AKAP12: variants seen among roughly 807,000 people sequenced by gnomAD.
AKAP12 encodes A-kinase anchor protein 12.
AKAP12 carries 32 observed loss-of-function variants against 79.9 expected under a neutral mutation model. The observed-to-expected ratio is 0.40, with a 90% CI of 0.30 to 0.54. AKAP12 has a LOEUF of 0.54. AKAP12 is among the 20% of genes least tolerant of loss of function. The pLI, the probability that AKAP12 is intolerant of heterozygous loss-of-function variation, is 0.48. For synonymous variants in AKAP12, 808 were observed against 857.0 expected, an observed-to-expected ratio of 0.94 and a Z score of 1.00; for missense variants, 2,074 against 2,177.0, an observed-to-expected ratio of 0.95 and a Z score of 0.94.
intron 2 of AKAP12, among the ~76,000 whole-genome samples, chr6:151,258,984 CAT>C (rs1797356318): frequency 1.3e-5 from 2 of 150,630 alleles, no homozygotes; most frequent in South Asian, 2.1e-4. Flanking sequence ...TATATATACA[CAT>C]AATGTATCTA....
intron 2 of AKAP12, among the ~76,000 whole-genome samples, chr6:151,288,079 G>A (rs1293072981): frequency 6.6e-6 from 1 of 152,050 alleles, no homozygotes. Context: ...TGGGGGGCTA[G>A]GGGAGGGATG....
At chr6:151,282,311 T>C (rs964051906) in intron 2 of AKAP12, among the ~76,000 whole-genome samples, 5 of 152,110 alleles carry the variant, frequency 3.3e-5, no homozygotes, top group Admixed American at 2.6e-4. Flanking sequence ...GGTTTTGCCA[T>C]GTTGGCCAGG....
intron 4 of AKAP12, among the ~76,000 whole-genome samples, chr6:151,355,300 T>TTTTG (rs575040126): frequency 5.3e-5 from 8 of 150,252 alleles, no homozygotes; most frequent in Admixed American, 2.0e-4. Flanking sequence ...TATCTTTGTT[T>TTTTG]TTTGTTTGTT....
intron 3 of AKAP12, among the ~76,000 whole-genome samples, chr6:151,329,543 G>A (rs1777617350): frequency 6.6e-6 from 1 of 152,152 alleles, no homozygotes; most frequent in African/African-American, 2.4e-5. Context: ...GTAGAAACTG[G>A]GGAAGAATCA....
intron 2 of AKAP12, among the ~76,000 whole-genome samples, chr6:151,290,885 CAGGCGTG>C (rs746553562): frequency 3.3e-5 from 5 of 152,206 alleles, no homozygotes; most frequent in Admixed American, 6.5e-5. Flanking sequence ...GCTGGGATTA[CAGGCGTG>C]AGCCACCTTG....
intron 3 of AKAP12, among the ~76,000 whole-genome samples, chr6:151,316,811 AGT>A (rs1777246507): frequency 1.3e-5 from 2 of 152,040 alleles, no homozygotes; most frequent in Non-Finnish European, 2.9e-5. Flanking sequence ...TTGTATTTTT[AGT>A]AGAGACGGGG....
intron 2 of AKAP12, among the ~76,000 whole-genome samples, chr6:151,245,410 C>T (rs56192036): frequency 6.6e-6 from 1 of 151,708 alleles, no homozygotes; most frequent in Non-Finnish European, 1.5e-5. Flanking sequence ...ATTCTCCTGC[C>T]TCAGCTTTCC....
chr6:151,319,222 G>A (rs927447022), intron 3 of AKAP12, among the ~76,000 whole-genome samples: 1 of 151,804 alleles, frequency 6.6e-6, no homozygotes, highest in Non-Finnish European at 1.5e-5. Context: ...ATTTATCTTG[G>A]ATTTTGAATA....
At chr6:151,315,596 C>T (rs1777216389) in intron 3 of AKAP12, among the ~76,000 whole-genome samples, 1 of 152,130 alleles carries the variant, frequency 6.6e-6, no homozygotes, top group Admixed American at 6.6e-5. Flanking sequence ...GACTGACTCA[C>T]CTTGAGTGTA....
chr6:151,299,393 T>C (rs1776806401), intron 2 of AKAP12, among the ~76,000 whole-genome samples: 1 of 152,170 alleles, frequency 6.6e-6, no homozygotes, highest in Non-Finnish European at 1.5e-5. Context: ...GGAAACCGTG[T>C]CTGTTCTCCC....
At chr6:151,262,839 G>A (rs1797464108) in intron 2 of AKAP12, among the ~76,000 whole-genome samples, 2 of 152,156 alleles carry the variant, frequency 1.3e-5, no homozygotes, top group African/African-American at 4.8e-5. Flanking sequence ...CACCAGTGAA[G>A]ACCATCTCAC....
intron 3 of AKAP12, among the ~76,000 whole-genome samples, chr6:151,321,746 C>T (rs1431413201): frequency 1.3e-5 from 2 of 151,922 alleles, no homozygotes; most frequent in Non-Finnish European, 2.9e-5. Context: ...GTTTAACATT[C>T]TGAGGAACTA....
In AKAP12 at chr6:151,352,613, A is replaced by C; in HGVS notation, c.4222A>C (p.Thr1408Pro). 6.2e-7 allele frequency: 1 copy of C among 1,614,192 alleles called. No homozygotes were observed. Among genetic ancestry groups the C allele is most frequent in the Non-Finnish European group, 8.5e-7 (1 of 1,180,034 alleles). Residue 1408 changes from threonine (T) to proline (P), a missense_variant, in exon 4 of 5, where the codon ACC (threonine) becomes CCC (proline). Physicochemically the swap from Thr to Pro is conservative, Grantham distance 38. Coordinates refer to ENST00000402676, the MANE Select transcript of AKAP12 (RefSeq NM_005100.4). ...CCTAGGTCAAGAGGAGGCAGTATGC[A>C]CCAAAATTCAAGTTCAGAGCTCTGA... The part of the protein sequence containing the change: ...PCLGQEEAVC[T>P]KIQVQSSEAS...
At chr6:151,343,696 A>T (rs1778007565) in intron 3 of AKAP12, among the ~76,000 whole-genome samples, 1 of 152,184 alleles carries the variant, frequency 6.6e-6, no homozygotes, top group African/African-American at 2.4e-5. Context: ...AGGCAGGAGA[A>T]TCGCTTGAAC....
intron 3 of AKAP12, among the ~76,000 whole-genome samples, chr6:151,326,558 G>C (rs1251565549): frequency 6.6e-6 from 1 of 151,180 alleles, no homozygotes; most frequent in Non-Finnish European, 1.5e-5. Flanking sequence ...GAATCTGGCC[G>C]TGAGTATGAA....
At chr6:151,286,989 A>G (rs1776518199) in intron 2 of AKAP12, among the ~76,000 whole-genome samples, 1 of 149,782 alleles carries the variant, frequency 6.7e-6, no homozygotes, top group African/African-American at 2.5e-5. Flanking sequence ...CCCAGGCTGG[A>G]GTGCAGTGGC....
rs141590588 is a variant in AKAP12 at position 151,331,041 on chromosome 6, A to G, written c.320-17670A>G. On this transcript the variant is annotated intron_variant, in intron 3 of 4. Transcript: ENST00000402676. The stretch of plus-strand genomic sequence containing the variant: ...AGACTGATTTTATAAATCGGGATTC[A>G]CAGAACATTTATCTGGAGATAAACC... Among the ~76,000 whole-genome samples the G allele has an allele frequency of 4.0e-3, 615 of 152,352 alleles. 3 individuals carry two copies. The highest frequency in any genetic ancestry group is 0.014 in the African/African-American group (588 of 41,582).
intron 3 of AKAP12, among the ~76,000 whole-genome samples, chr6:151,310,887 G>T (rs1260650974): frequency 6.6e-6 from 1 of 152,158 alleles, no homozygotes; most frequent in African/African-American, 2.4e-5. Context: ...TTTAAAGCAT[G>T]TGAAAACCAG....
intron 2 of AKAP12, among the ~76,000 whole-genome samples, chr6:151,268,866 A>G (rs539863512): frequency 7.0e-6 from 1 of 142,808 alleles, no homozygotes; most frequent in Non-Finnish European, 1.5e-5. Flanking sequence ...CTGATCTGGG[A>G]CTCCTGTCCT....
Sources: allele counts gnomAD v4.1 joint callset (sites outside exome capture counted in the v4.1 genomes callset), GRCh38; gene constraint gnomAD v4.1.1; transcripts MANE v1.5; gene names NCBI Gene and HGNC (gene_info 2026-07-23, HGNC 2026-07-21).